Variants in HUWE1 observed in about 807,000 individuals in gnomAD.
HUWE1 encodes HECT, UBA and WWE domain containing E3 ubiquitin protein ligase 1, also known as E3 ubiquitin-protein ligase HUWE1.
A neutral mutation model predicts 299.4 loss-of-function variants in HUWE1; 18 were observed. That is an observed-to-expected ratio of 0.06 (90% CI 0.04 to 0.09). The LOEUF is 0.09. Among genes scored for constraint, HUWE1 ranks in the 10% least tolerant of loss-of-function variants. HUWE1 has a pLI of 1.00. For synonymous variants in HUWE1, 1,317 were observed against 1,286.1 expected (o/e 1.02, Z -0.51); for missense variants, 1,832 against 3,462.3 (o/e 0.53, Z 11.82).
chrX:53,632,619 A>G, intron 8 of HUWE1, 55 bp from the exon 9 acceptor site: 1 of 881,182 alleles, frequency 1.1e-6, no homozygotes, highest in Non-Finnish European at 1.7e-6. Context: ...GATTATAAAC[A>G]TTATCCCCCA....
At chrX:53,554,492 G>T in intron 61 of HUWE1, 141 bp downstream of exon 61, 1 of 588,483 alleles carries the variant, frequency 1.7e-6, no homozygotes, top group Non-Finnish European at 2.7e-6. Context: ...ACTTAAGAAA[G>T]TGAATGCGCA....
rs1305429464 is a variant in HUWE1, at chrX:53,600,342, A to C, written c.2972-33T>G. 4 of 1,044,021 alleles carry C rather than the reference A, an allele frequency of 3.8e-6. No individual in the cohort carries two copies. The African/African-American group carries it at 7.4e-5, about 19-fold the overall frequency. 86.0% of individuals were successfully genotyped at this position (1,044,021 alleles called of 1,213,427 possible). A position where few individuals can be genotyped will look rare whatever the true frequency, so the allele number is the denominator to read the frequency against. On this transcript the variant is annotated intron_variant, in intron 28 of 83. Coordinates refer to ENST00000262854, the MANE Select transcript of HUWE1 (RefSeq NM_031407.7). Reference sequence around the variant, plus strand: ...TGTATAAGAGGGGAGCAATAGGACAATGTAGAGCCAACATTTACCTGGTTC... The same window carrying C: ...TGTATAAGAGGGGAGCAATAGGACACTGTAGAGCCAACATTTACCTGGTTC...
At chrX:53,619,776 A>C (rs1557010782) in intron 19 of HUWE1, among the ~76,000 whole-genome samples, 2 of 111,482 alleles carry the variant, frequency 1.8e-5, no homozygotes, top group South Asian at 3.8e-4. Flanking sequence ...AATAGAACTG[A>C]AAATGAATCC....
chrX:53,578,586 G>C (rs1438009095), intron 43 of HUWE1, among the ~76,000 whole-genome samples: 1 of 91,595 alleles, frequency 1.1e-5, no homozygotes, highest in Non-Finnish European at 2.2e-5. Flanking sequence ...GGGAGGGGGG[G>C]TCAGCCCCCT....
intron 7 of HUWE1, among the ~76,000 whole-genome samples, chrX:53,637,017 TG>T (rs2149133741): frequency 8.9e-6 from 1 of 112,650 alleles, no homozygotes; most frequent in South Asian, 3.7e-4. Context: ...TTTCTTTCAA[TG>T]CTTGTATAAC....
intron 73 of HUWE1, 146 bp downstream of exon 73, chrX:53,543,695 G>C: frequency 1.1e-6 from 1 of 901,960 alleles, no homozygotes; most frequent in Non-Finnish European, 1.5e-6. Context: ...AACACCAACA[G>C]AAAGTAACCC....
intron 59 of HUWE1, 127 bp from the exon 60 acceptor site, chrX:53,557,554 C>T: frequency 1.8e-6 from 1 of 552,313 alleles, no homozygotes; most frequent in Non-Finnish European, 3.2e-6. Context: ...AATGCTTTGG[C>T]CATGTGACCA....
chrX:53,588,907 C>T (rs1335725644), intron 36 of HUWE1, among the ~76,000 whole-genome samples: 1 of 112,296 alleles, frequency 8.9e-6, no homozygotes, highest in Non-Finnish European at 1.9e-5. Context: ...AAAATAGACA[C>T]TAAAACTTTC....
rs1556947848 is a variant in HUWE1, at chrX:53,568,680, G to A, written c.6707+12C>T. ...AGAGAAGGAAAAGCCTGGGGCTGGG[G>A]CATGATTTTACCTGGACAGGTCTAA... On this transcript the variant is annotated intron_variant, in intron 49 of 83. Coordinates refer to ENST00000262854, the MANE Select transcript of HUWE1 (RefSeq NM_031407.7). 5 of 1,202,030 alleles carry A rather than the reference G, an allele frequency of 4.2e-6. No individual in the cohort carries two copies. The highest frequency in any genetic ancestry group is 5.6e-6 in the Non-Finnish European group (5 of 887,894).
At chrX:53,648,000 A>T (rs1557037238) in intron 5 of HUWE1, among the ~76,000 whole-genome samples, 1 of 112,472 alleles carries the variant, frequency 8.9e-6, no homozygotes, top group African/African-American at 3.2e-5. Flanking sequence ...TGAGATTCTT[A>T]AGCATCACCT....
Position 53,589,699 on chromosome X carries a change from G to C in HUWE1, c.4309C>G (p.His1437Asp). 2 of 1,211,556 alleles carry C rather than the reference G, an allele frequency of 1.7e-6. No individual in the cohort carries two copies. Among genetic ancestry groups the C allele is most frequent in the Non-Finnish European group, 2.2e-6 (2 of 895,395 alleles). The change falls in exon 36 of 84, where the codon CAC (histidine) becomes GAC (aspartate). Residue 1437 changes from histidine to aspartate, a missense_variant. Physicochemically the swap from His to Asp is moderately conservative, Grantham distance 81 (BLOSUM62 -1). Around this residue, in one of 15 missense-constraint regions of HUWE1, gnomAD observed 658 missense variants for 1,282.6 expected, o/e 0.51. Transcript: ENST00000262854. ...GGCAACATAGTATCTGTGAAAGTGTGGAGCTCATCTTGTTCCAACGGGTCA... is the reference window on the plus strand; with the variant it reads ...GGCAACATAGTATCTGTGAAAGTGTCGAGCTCATCTTGTTCCAACGGGTCA... ...DADPLEQDEL[H>D]TFTDTMLPGC...
Position 53,562,936 on chromosome X carries a change from GT to G in HUWE1, c.7106-8del. 1 of 1,189,528 alleles carries G rather than the reference GT, an allele frequency of 8.4e-7. No individual in the cohort carries two copies. ...TCCTCTCCACTTCTGCTCACTGAAG[GT>G]TACAGAGCAGAGCCTTCACTGAACA... On this transcript the variant is annotated splice_polypyrimidine_tract_variant and splice_region_variant and intron_variant, in intron 52 of 83. Coordinates refer to ENST00000262854, the MANE Select transcript of HUWE1 (RefSeq NM_031407.7).
chrX:53,642,461 T>A (rs949593021), intron 7 of HUWE1, among the ~76,000 whole-genome samples: 82 of 112,197 alleles, frequency 7.3e-4, no homozygotes, highest in African/African-American at 2.6e-3. Flanking sequence ...TTTACTTATT[T>A]GAGTATCTAC....
At chrX:53,625,415 T>C in intron 17 of HUWE1, 157 bp from the exon 18 acceptor site, 2 of 415,009 alleles carry the variant, frequency 4.8e-6, no homozygotes, top group Non-Finnish European at 8.6e-6. Context: ...AATACTTAAT[T>C]AAGCTTTGAA....
chrX:53,603,285 C>T, intron 27 of HUWE1, 83 bp downstream of exon 27: 1 of 1,003,018 alleles, frequency 1.0e-6, no homozygotes, highest in Non-Finnish European at 1.4e-6. Context: ...CTCTTCCATA[C>T]CCTCCTATCC....
intron 7 of HUWE1, among the ~76,000 whole-genome samples, chrX:53,643,963 A>G (rs1402801314): frequency 2.7e-5 from 3 of 110,913 alleles, no homozygotes; most frequent in African/African-American, 9.8e-5. Context: ...AACTGGGACC[A>G]CAGGGGTGTG....
intron 29 of HUWE1, 62 bp from the exon 30 acceptor site, chrX:53,595,465 A>G (rs925168587): frequency 2.7e-5 from 23 of 867,917 alleles, no homozygotes; most frequent in Non-Finnish European, 3.2e-5. Context: ...ATTACAACAG[A>G]CATATTACCA....
Position 53,625,879 on chromosome X carries a change from GGCCAGGGCCGGT to G in HUWE1, c.1490-633_1490-622del, listed in dbSNP as rs782548078. ...GGGCCGGGGCCGGGGCCGGGGCCGG[GGCCAGGGCCGGT>G]GCCGGGGCCGGGACTGGGACCAGGG... is the stretch of plus-strand genomic sequence containing the variant. On this transcript the variant is annotated intron_variant, in intron 17 of 83. Transcript: ENST00000262854. 3.8e-3 allele frequency: 1,205 copies of G among 316,976 alleles called. 5 individuals are homozygous for G. The highest frequency in any genetic ancestry group is 5.2e-3 in the Non-Finnish European group (843 of 160,843). The allele number at this position is 316,976 out of a possible 1,213,427, so 26.1% of individuals were successfully genotyped here.
At position 53,627,402 on chromosome X, in the gene HUWE1, T is replaced by C; in HGVS notation, c.1489+8A>G. 9.7e-7 allele frequency: 1 copy of C among 1,031,296 alleles called. No individual in the cohort carries two copies. Among genetic ancestry groups the C allele is most frequent in the Non-Finnish European group, 1.4e-6 (1 of 732,671 alleles). The allele number at this position is 1,031,296 out of a possible 1,213,427, so 85.0% of individuals were successfully genotyped here. A position where few individuals can be genotyped will look rare whatever the true frequency, so the allele number is the denominator to read the frequency against. On this transcript the variant is annotated splice_region_variant and intron_variant, in intron 17 of 83. Transcript: ENST00000262854. ...CACAAAAATACTGACTTAATAACTG[T>C]TAATTACCATCCATATCAGTTTCCA...
Sources: gnomAD v4.1 joint callset for allele counts (sites outside exome capture counted in the v4.1 genomes callset) on GRCh38, gnomAD v4.1.1 for gene constraint, gnomAD v4.1.1 regional missense constraint, MANE v1.5 for transcripts, NCBI Gene and HGNC (gene_info 2026-07-23, HGNC 2026-07-21) for gene names.